SLC22A8: variants seen among roughly 807,000 people sequenced by gnomAD.
SLC22A8 encodes solute carrier family 22 member 8, also known as organic anion transporter 3.
Under a neutral mutation model 48.4 loss-of-function variants are expected in SLC22A8, and 40 were observed. That is an observed-to-expected ratio of 0.83 (90% confidence interval 0.64 to 1.08). The LOEUF is 1.08. Ranked by LOEUF, SLC22A8 falls within the 50% of genes least tolerant of loss-of-function variation. SLC22A8 has a pLI of 0.00. For missense variants in SLC22A8, 606 were observed against 699.0 expected (o/e 0.87, Z 1.50); for synonymous variants, 268 against 286.3 (o/e 0.94, Z 0.65).
At chr11:62,995,628 C>T in intron 7 of SLC22A8, 76 bp downstream of exon 7, 1 of 1,031,644 alleles carries the variant, frequency 9.7e-7, no homozygotes, top group Non-Finnish European at 1.5e-6. Context: ...CTAGGCCTTG[C>T]CCTTAAGTGA....
In SLC22A8 at chr11:63,014,892, TG is replaced by T; in HGVS notation, c.66del (p.Ile23TyrfsTer87). On this transcript the variant is annotated frameshift_variant, in exon 2 of 11. Transcript: ENST00000336232. LOFTEE classifies it high-confidence loss of function. ...SMGHFQFLHV[A>X]ILGLPILNMA... ...ATGTTGAGGATCGGGAGGCCCAGTA[TG>T]GCTACATGCAGGAACTGGAAATGGC... 6.3e-7 allele frequency: 1 copy of T among 1,599,538 alleles called. No individual in the cohort carries two copies. Among genetic ancestry groups the T allele is most frequent in the Non-Finnish European group, 8.5e-7 (1 of 1,170,568 alleles).
chr11:63,009,383 G>A (rs916817947), intron 2 of SLC22A8, among the ~76,000 whole-genome samples: 1 of 152,092 alleles, frequency 6.6e-6, no homozygotes, highest in Non-Finnish European at 1.5e-5. Flanking sequence ...TGGAGAGGGT[G>A]GGGGACGGGC....
At chr11:63,012,606 C>T (rs1050568946) in intron 2 of SLC22A8, among the ~76,000 whole-genome samples, 3 of 152,208 alleles carry the variant, frequency 2.0e-5, no homozygotes, top group African/African-American at 7.2e-5. Flanking sequence ...GGCCTCAGAG[C>T]ACTCTGAGTG....
intron 8 of SLC22A8, 93 bp downstream of exon 8, chr11:62,994,449 A>G: frequency 1.1e-6 from 1 of 922,520 alleles, no homozygotes; most frequent in Non-Finnish European, 1.7e-6. Flanking sequence ...TCAAGGTAAC[A>G]CAGTGACTTA....
Position 63,014,628 on chromosome 11 carries a change from C to G in SLC22A8, c.331G>C (p.Glu111Gln). The G allele has an allele frequency of 6.3e-7, 1 of 1,584,602 alleles. No individual in the cohort carries two copies. The change falls in exon 2 of 11, where the codon GAG becomes CAG. Residue 111 changes from glutamate (E) to glutamine (Q), a missense_variant and splice_region_variant. Transcript: ENST00000336232. ...YNSTKDSIVT[E>Q]WDLVCNSNKL... ...GGAGAGGGTTTGCCCAGGCATACCT[C>G]TGTCACAATGGAGTCCTTGGTGCTG...
At chr11:63,014,251 T>A (rs1240818937) in intron 2 of SLC22A8, among the ~76,000 whole-genome samples, 1 of 152,178 alleles carries the variant, frequency 6.6e-6, no homozygotes, top group African/African-American at 2.4e-5. Flanking sequence ...TCGGTCATAG[T>A]GCAAGGTCAC....
At position 63,000,118 on chromosome 11, in the gene SLC22A8, C is replaced by T. The variant is rs1250475045; in HGVS notation, c.438-276G>A. Among the ~76,000 whole-genome samples, 18 of 152,350 alleles carry T rather than the reference C, an allele frequency of 1.2e-4. No individual in the cohort carries two copies. The South Asian group carries it at 3.7e-3, about 32-fold the overall frequency. On this transcript the variant is annotated intron_variant, in intron 3 of 10. Coordinates refer to ENST00000336232, the MANE Select transcript of SLC22A8 (RefSeq NM_004254.4). Reference sequence around the variant, plus strand: ...GACCGCCCATCTCTAAGCAGTCCATCTCCTCTGCCTCCACTGCTACACAGC... The same window carrying T: ...GACCGCCCATCTCTAAGCAGTCCATTTCCTCTGCCTCCACTGCTACACAGC...
intron 8 of SLC22A8, 171 bp from the exon 9 acceptor site, chr11:62,994,049 C>T (rs988971174): frequency 1.5e-5 from 9 of 612,204 alleles, no homozygotes; most frequent in Non-Finnish European, 2.6e-5. Flanking sequence ...TGTGTTTTCC[C>T]CTGCCTCTGA....
chr11:62,994,308 C>G (rs1208393338), intron 8 of SLC22A8: 3 of 574,082 alleles, frequency 5.2e-6, no homozygotes, highest in Admixed American at 3.0e-5. Flanking sequence ...AAAATTTTCA[C>G]ACTATCCAGA....
chr11:62,995,649 G>A, intron 7 of SLC22A8, 55 bp downstream of exon 7: 1 of 1,273,922 alleles, frequency 7.8e-7, no homozygotes, highest in South Asian at 1.2e-5. Context: ...GCCTACTGGA[G>A]GCCTTGTCTA....
intron 2 of SLC22A8, among the ~76,000 whole-genome samples, chr11:63,009,135 G>A (rs745524655): frequency 4.6e-5 from 7 of 152,168 alleles, no homozygotes; most frequent in African/African-American, 9.7e-5. Flanking sequence ...GGAGGAGGAT[G>A]AGCCCCCGGC....
intron 2 of SLC22A8, 88 bp downstream of exon 2, chr11:63,014,538 C>T: frequency 8.2e-7 from 1 of 1,221,794 alleles, no homozygotes; most frequent in South Asian, 1.5e-5. Flanking sequence ...CTGGGAACAC[C>T]AGACCCCAGC....
intron 1 of SLC22A8, 105 bp from the exon 2 acceptor site, chr11:63,015,088 G>C: frequency 2.9e-6 from 2 of 683,396 alleles, no homozygotes; most frequent in Non-Finnish European, 4.8e-6. Flanking sequence ...TGCGAGCACA[G>C]GTGTGTGGAG....
intron 2 of SLC22A8, among the ~76,000 whole-genome samples, chr11:63,006,781 T>C (rs1455465772): frequency 3.3e-5 from 5 of 151,012 alleles, no homozygotes; most frequent in Non-Finnish European, 7.4e-5. Flanking sequence ...CTAATTTTTT[T>C]TTTTTTTAGT....
Position 62,995,684 on chromosome 11 carries a change from G to C in SLC22A8, c.1001+20C>G. On this transcript the variant is annotated intron_variant, in intron 7 of 10. Coordinates refer to ENST00000336232, the MANE Select transcript of SLC22A8 (RefSeq NM_004254.4). The stretch of plus-strand genomic sequence containing the variant: ...ATCACCCCTTCCTTGGCAGGGTGTG[G>C]GCAGGGAGAGGGGGGTTACCAGGCC... 6.4e-7 allele frequency: 1 copy of C among 1,571,216 alleles called. No individual in the cohort carries two copies. The highest frequency in any genetic ancestry group is 2.2e-5 in the East Asian group (1 of 44,652).
At chr11:62,994,138 T>C in intron 8 of SLC22A8, 1 of 557,152 alleles carries the variant, frequency 1.8e-6, no homozygotes, top group Non-Finnish European at 3.2e-6. Flanking sequence ...TGGAAGGGTA[T>C]AGGTGTTATC....
rs763964553 is a variant in SLC22A8, at chr11:62,993,841, C to T, written c.1254G>A (p.Gly418=). The part of the protein sequence containing the change: ...QTVRTVLAVF[G]KGCLSSSFSC... ...TGAAGGAGCTGGATAGGCATCCCTTCCCAAACACAGCCAATACTGTCCTCA... is the reference window on the plus strand; with the variant it reads ...TGAAGGAGCTGGATAGGCATCCCTTTCCAAACACAGCCAATACTGTCCTCA... The change falls in exon 9 of 11, where the codon GGG becomes GGA. Residue 418 remains glycine (G), a synonymous_variant. Transcript: ENST00000336232. The T allele has an allele frequency of 6.2e-7, 1 of 1,613,826 alleles. No individual in the cohort carries two copies. The highest frequency in any genetic ancestry group is 8.5e-7 in the Non-Finnish European group (1 of 1,179,718).
Position 63,014,762 on chromosome 11 carries a change from G to A in SLC22A8, c.197C>T (p.Pro66Leu), listed in dbSNP as rs2086655712. The A allele has an allele frequency of 6.2e-7, 1 of 1,613,926 alleles. No individual in the cohort carries two copies. Residue 66 changes from proline to leucine, a missense_variant, in exon 2 of 11, where the codon CCA (proline) becomes CTA (leucine). Physicochemically the swap from Pro to Leu is moderately conservative, Grantham distance 98. Coordinates refer to ENST00000336232, the MANE Select transcript of SLC22A8 (RefSeq NM_004254.4). ...GAGGCACCTCTCAGGCTTCCCATTT[G>A]GGCCCATGGGGAGCACCCAAGGCCC... ...STGPWVLPMGPNGKPERCLRF... is the reference protein window; with the variant it reads ...STGPWVLPMGLNGKPERCLRF...
Position 63,014,606 on chromosome 11 carries a change from G to A in SLC22A8, c.333+20C>T, listed in dbSNP as rs750535543. 1.3e-6 allele frequency: 2 copies of A among 1,559,500 alleles called. No individual in the cohort carries two copies. The highest frequency in any genetic ancestry group is 1.3e-5 in the African/African-American group (1 of 74,096). Reference sequence around the variant, plus strand: ...GGGGGTACGTGGGTAAGTGGAGGGAGAGGGTTTGCCCAGGCATACCTCTGT... The same window carrying A: ...GGGGGTACGTGGGTAAGTGGAGGGAAAGGGTTTGCCCAGGCATACCTCTGT... On this transcript the variant is annotated intron_variant, in intron 2 of 10. Coordinates refer to ENST00000336232, the MANE Select transcript of SLC22A8 (RefSeq NM_004254.4).
Sources: gnomAD v4.1 joint callset for allele counts (sites outside exome capture counted in the v4.1 genomes callset) on GRCh38, gnomAD v4.1.1 for gene constraint, MANE v1.5 for transcripts, NCBI Gene and HGNC (gene_info 2026-07-23, HGNC 2026-07-21) for gene names.